C18orf54: variants seen among roughly 807,000 people sequenced by gnomAD.
C18orf54 encodes the protein chromosome 18 open reading frame 54, also known as lung adenoma susceptibility protein 2.
Under a neutral mutation model 49.3 loss-of-function variants are expected in C18orf54, and 49 were observed. The observed-to-expected ratio is 0.99, with a 90% CI of 0.79 to 1.26. The LOEUF (loss-of-function observed/expected upper bound fraction) is 1.26. C18orf54 is among the 50% of genes most tolerant of loss of function. The pLI is 0.00. For missense variants in C18orf54, 687 were observed against 620.6 expected, an observed-to-expected ratio of 1.11 and a Z score of -1.14; for synonymous variants, 211 against 216.6, an observed-to-expected ratio of 0.97 and a Z score of 0.23.
intron 8 of C18orf54, among the ~76,000 whole-genome samples, chr18:54,377,310 C>G (rs1463372603): frequency 6.6e-6 from 1 of 152,162 alleles, no homozygotes; most frequent in Admixed American, 6.6e-5. Context: ...ATCCCAGTCT[C>G]CCAAAGTGCA....
At chr18:54,362,976 C>T (rs1319405088) in intron 5 of C18orf54, 55 bp downstream of exon 5, 37 of 1,474,002 alleles carry the variant, frequency 2.5e-5, no homozygotes, top group Admixed American at 1.1e-4. Flanking sequence ...AAATGTCATG[C>T]GAATATCTGA....
At position 54,364,669 on chromosome 18, in the gene C18orf54, C is replaced by T. The variant is rs572985952; in HGVS notation, c.1224-1050C>T. On this transcript the variant is annotated intron_variant, in intron 5 of 8. Transcript: ENST00000620105. ...ATTATGGAAAAGCTCAAATAAATTA[C>T]GAAAGTAGAATAGCATAATGAACCT... Among the ~76,000 whole-genome samples the T allele has an allele frequency of 4.6e-5, 7 of 150,924 alleles. No individual in the cohort carries two copies. In the East Asian group the frequency reaches 1.4e-3, roughly 29 times the overall value.
Position 54,365,632 on chromosome 18 carries a change from T to G in C18orf54, c.1224-87T>G, listed in dbSNP as rs1425202488. On this transcript the variant is annotated intron_variant, in intron 5 of 8. Coordinates refer to ENST00000620105, the MANE Select transcript of C18orf54 (RefSeq NM_001288980.2). ...TTATTTCTTGGTGACTACTTGTATT[T>G]AAATGAGAATTCTTAAATTATATAC... 4 of 676,134 alleles carry G rather than the reference T, an allele frequency of 5.9e-6. No individual in the cohort carries two copies. The Admixed American group carries it at 9.4e-5, about 16-fold the overall frequency. The allele number at this position is 676,134 out of a possible 1,614,324, so 41.9% of individuals were successfully genotyped here.
intron 1 of C18orf54, 147 bp from the exon 2 acceptor site, chr18:54,358,627 G>A (rs866791059): frequency 6.6e-6 from 1 of 152,214 alleles, no homozygotes; most frequent in African/African-American, 2.4e-5. Flanking sequence ...GCCGGTCGGT[G>A]GGTTCCTGGT....
In C18orf54 at chr18:54,365,821, G is replaced by A; in HGVS notation, c.1326G>A (p.Gln442=). 6.5e-7 allele frequency: 1 copy of A among 1,539,146 alleles called. No homozygotes were observed. Among genetic ancestry groups the A allele is most frequent in the South Asian group, 1.2e-5 (1 of 80,562 alleles). ...VLEDFLNNDN[Q]SCTLSGGKHH... is the part of the protein sequence containing the mutation. Reference sequence around the variant, plus strand: ...AAGACTTTCTAAATAATGATAATCAGGTGGGTGAAATTAAAAGTTTTAAAA... The same window carrying A: ...AAGACTTTCTAAATAATGATAATCAAGTGGGTGAAATTAAAAGTTTTAAAA... Residue 442 remains glutamine (Q), a splice_region_variant and synonymous_variant, in exon 6 of 9, where the codon CAG becomes CAA. Coordinates refer to ENST00000620105, the MANE Select transcript of C18orf54 (RefSeq NM_001288980.2).
chr18:54,359,148 C>T (rs367680413), intron 2 of C18orf54, among the ~76,000 whole-genome samples: 20 of 152,296 alleles, frequency 1.3e-4, no homozygotes, highest in African/African-American at 4.8e-4. Flanking sequence ...AATGTTATCA[C>T]CCACTTACGG....
intron 8 of C18orf54, among the ~76,000 whole-genome samples, chr18:54,374,741 T>C (rs2089542557): frequency 6.6e-6 from 1 of 151,872 alleles, no homozygotes; most frequent in Non-Finnish European, 1.5e-5. Flanking sequence ...GTGTCTTAAA[T>C]AATAAAATGG....
chr18:54,373,538 C>A (rs2089523783), intron 7 of C18orf54, among the ~76,000 whole-genome samples: 1 of 151,828 alleles, frequency 6.6e-6, no homozygotes, highest in Non-Finnish European at 1.5e-5. Flanking sequence ...TGAAAAACAT[C>A]TCTGCAACTC....
rs1424625727 is a variant in C18orf54 at position 54,362,020 on chromosome 18, A to G, written c.661A>G (p.Lys221Glu). 4 of 1,600,118 alleles carry G rather than the reference A, an allele frequency of 2.5e-6. No homozygotes were observed. In the Admixed American group the frequency reaches 5.1e-5, roughly 20 times the overall value. ...CISESSLSFP[K>E]KSSFKDSSEH... ...TTCTGAATCATCTTTGTCTTTTCCC[A>G]AGAAATCGTCTTTCAAGGACAGTTC... The change falls in exon 4 of 9, where the codon AAG (lysine) becomes GAG (glutamate). Residue 221 changes from lysine (K) to glutamate (E), a missense_variant. Physicochemically the swap from Lys to Glu is moderately conservative, Grantham distance 56. Coordinates refer to ENST00000620105, the MANE Select transcript of C18orf54 (RefSeq NM_001288980.2).
At chr18:54,371,570 G>A (rs1180774922) in intron 6 of C18orf54, among the ~76,000 whole-genome samples, 1 of 151,980 alleles carries the variant, frequency 6.6e-6, no homozygotes, top group African/African-American at 2.4e-5. Context: ...TTCCTATACT[G>A]TTTTCTACAA....
rs778199800 is a variant in C18orf54 at position 54,361,753 on chromosome 18, C to T, written c.394C>T (p.Pro132Ser). Residue 132 changes from proline (P) to serine (S), a missense_variant, in exon 4 of 9, where the codon CCA becomes TCA. Pro to Ser is a moderately conservative substitution (Grantham distance 74). Transcript: ENST00000620105. ...SLTTDDLLRL[P>S]ADGSFSYTYV... ...AACAACTGATGATCTATTAAGACTC[C>T]CAGCAGATGGATCATTTTCTTATAC... is the stretch of plus-strand genomic sequence containing the variant. The T allele has an allele frequency of 1.9e-6, 3 of 1,613,874 alleles. No individual in the cohort carries two copies. The highest frequency in any genetic ancestry group is 2.5e-6 in the Non-Finnish European group (3 of 1,179,950).
At chr18:54,362,513 C>A in intron 4 of C18orf54, 82 bp downstream of exon 4, 1 of 1,207,622 alleles carries the variant, frequency 8.3e-7, no homozygotes, top group Non-Finnish European at 1.1e-6. Flanking sequence ...GATGTGATAT[C>A]TGGGAGCTTT....
chr18:54,372,911 C>A (rs771218210), intron 7 of C18orf54, among the ~76,000 whole-genome samples: 1 of 151,856 alleles, frequency 6.6e-6, no homozygotes, highest in Non-Finnish European at 1.5e-5. Flanking sequence ...CAAAATTAAT[C>A]TATGTGGCCC....
At chr18:54,361,561 T>C in intron 3 of C18orf54, 82 bp from the exon 4 acceptor site, 1 of 1,247,526 alleles carries the variant, frequency 8.0e-7, no homozygotes, top group Non-Finnish European at 1.1e-6. Context: ...GCAAAATGCC[T>C]CTTAAATTCT....
chr18:54,366,852 A>T (rs923966378), intron 6 of C18orf54, among the ~76,000 whole-genome samples: 1 of 152,014 alleles, frequency 6.6e-6, no homozygotes, highest in Non-Finnish European at 1.5e-5. Flanking sequence ...ACTAATTTAT[A>T]TTCCACAAGT....
rs1312020338 is a variant in C18orf54, at chr18:54,380,214, C to T, written c.*1968C>T. 1.3e-5 allele frequency: 2 copies of T among 151,878 alleles called. No homozygotes were observed. Among genetic ancestry groups the T allele is most frequent in the African/African-American group, 2.4e-5 (1 of 41,408 alleles). 9.4% of individuals were successfully genotyped at this position (151,878 alleles called of 1,614,324 possible). On this transcript the variant is annotated 3_prime_UTR_variant, in exon 9 of 9. Coordinates refer to ENST00000620105, the MANE Select transcript of C18orf54 (RefSeq NM_001288980.2). ...AGATTTATTTATAATTTTAATATCT[C>T]AGGGTTCTTTTTAGGTTTCCAGGGG...
In C18orf54 at chr18:54,362,357, A is replaced by G. The variant is rs1353034009; in HGVS notation, c.998A>G (p.Lys333Arg). ...GATAAAGAATTAGTTAATGAATACA[A>G]ATGTGATTTTGAACATAGCCAGTGT... is the stretch of plus-strand genomic sequence containing the variant. ...SDDKELVNEY[K>R]CDFEHSQCQC... The change falls in exon 4 of 9, where the codon AAA becomes AGA. Residue 333 changes from lysine to arginine, a missense_variant. Physicochemically the swap from Lys to Arg is conservative, Grantham distance 26. Transcript: ENST00000620105. The G allele has an allele frequency of 2.6e-6, 4 of 1,535,760 alleles. No homozygotes were observed. The highest frequency in any genetic ancestry group is 1.4e-5 in the African/African-American group (1 of 73,044).
rs558297685 is a variant in C18orf54 at position 54,372,473 on chromosome 18, C to G, written c.1334C>G (p.Thr445Ser). ...DFLNNDNQSC[T>S]LSGGKHHGPV... ...CATCTGTTTTAACCTTAGAGCTGTA[C>G]TCTCTCTGGAGGCAAACATCATGGT... Residue 445 changes from threonine to serine, a missense_variant, in exon 7 of 9, where the codon ACT becomes AGT. Physicochemically the swap from Thr to Ser is moderately conservative, Grantham distance 58. Coordinates refer to ENST00000620105, the MANE Select transcript of C18orf54 (RefSeq NM_001288980.2). 1 of 1,605,000 alleles carries G rather than the reference C, an allele frequency of 6.2e-7. No individual in the cohort carries two copies. The highest frequency in any genetic ancestry group is 1.3e-5 in the African/African-American group (1 of 74,674).
In C18orf54 at chr18:54,357,920, G is replaced by A. The variant is rs1467790410; in HGVS notation, c.-299G>A. The stretch of plus-strand genomic sequence containing the variant: ...CGCAGGCCGGCGCCATGTTGGGGCG[G>A]TTTGAAAGCGAGCGCGGGTGTCGAG... On this transcript the variant is annotated 5_prime_UTR_variant, in exon 1 of 9. Coordinates refer to ENST00000620105, the MANE Select transcript of C18orf54 (RefSeq NM_001288980.2). The A allele has an allele frequency of 1.3e-5, 2 of 152,304 alleles. No individual in the cohort carries two copies. The highest frequency in any genetic ancestry group is 6.5e-5 in the Admixed American group (1 of 15,286). 9.4% of individuals were successfully genotyped at this position (152,304 alleles called of 1,614,324 possible).
Sources: allele counts gnomAD v4.1 joint callset (sites outside exome capture counted in the v4.1 genomes callset), GRCh38; gene constraint gnomAD v4.1.1; transcripts MANE v1.5; gene names NCBI Gene and HGNC (gene_info 2026-07-23, HGNC 2026-07-21).